TRAFD1: variants seen among roughly 807,000 people sequenced by gnomAD.
TRAFD1 encodes the protein TRAF-type zinc finger domain-containing protein 1.
In TRAFD1, 38 loss-of-function variants were observed where a neutral mutation model predicts 65.3. The ratio of observed to expected loss-of-function variants is 0.58; its 90% CI spans 0.45 to 0.76. TRAFD1 has a LOEUF of 0.76. TRAFD1 is among the 30% of genes least tolerant of loss of function. TRAFD1 has a pLI of 0.00. For missense variants in TRAFD1, 631 were observed against 712.6 expected, an observed-to-expected ratio of 0.89 and a Z score of 1.30; for synonymous variants, 223 against 257.2, an observed-to-expected ratio of 0.87 and a Z score of 1.27.
rs757141248 is a variant in TRAFD1, at chr12:112,148,153, T to A, written c.1007T>A (p.Val336Asp). 1 of 1,614,248 alleles carries A rather than the reference T, an allele frequency of 6.2e-7. No individual in the cohort carries two copies. Reference protein sequence around the residue: ...SSPRGVEEPDVIFQNFLQQAA... With the variant: ...SSPRGVEEPDDIFQNFLQQAA... ...CCCAGAGGGGTGGAGGAACCTGATG[T>A]CATCTTCCAGAACTTCTTGCAACAG... is the stretch of plus-strand genomic sequence containing the variant. The change falls in exon 8 of 12, where the codon GTC (valine) becomes GAC (aspartate). Residue 336 changes from valine (V) to aspartate (D), a missense_variant. Physicochemically the swap from Val to Asp is radical, Grantham distance 152. Coordinates refer to ENST00000412615, the MANE Select transcript of TRAFD1 (RefSeq NM_006700.3).
chr12:112,147,460 C>T (rs998000817), intron 7 of TRAFD1, among the ~76,000 whole-genome samples: 2 of 151,952 alleles, frequency 1.3e-5, no homozygotes, highest in Non-Finnish European at 2.9e-5. Flanking sequence ...TTTGGGAGTA[C>T]CATAGAAAAT....
At chr12:112,138,156 GT>G (rs1387634383) in intron 4 of TRAFD1, among the ~76,000 whole-genome samples, 1 of 152,074 alleles carries the variant, frequency 6.6e-6, no homozygotes, top group Non-Finnish European at 1.5e-5. Context: ...GTACGATATT[GT>G]TTGAGCCTGG....
Position 112,152,835 on chromosome 12 carries a change from C to T in TRAFD1, c.*44C>T, listed in dbSNP as rs2030447172. 6.2e-7 allele frequency: 1 copy of T among 1,609,784 alleles called. No homozygotes were observed. The highest frequency in any genetic ancestry group is 1.3e-5 in the African/African-American group (1 of 74,796). On this transcript the variant is annotated 3_prime_UTR_variant, in exon 12 of 12. Coordinates refer to ENST00000412615, the MANE Select transcript of TRAFD1 (RefSeq NM_006700.3). This position sits in a 1 kb window ranked among gnomAD's most constrained non-coding sequence, Gnocchi z 5.0. ...TACATCGGTTCCTGTCTTCTGTGCA[C>T]AGCAGCACTTGCCGCTGTGCAGGCC...
chr12:112,138,817 C>T (rs996233003), intron 4 of TRAFD1, among the ~76,000 whole-genome samples: 1 of 146,628 alleles, frequency 6.8e-6, no homozygotes, highest in Non-Finnish European at 1.5e-5. Flanking sequence ...GAAATCATGC[C>T]ATTGTACTCC....
At chr12:112,128,646 CACA>C (rs2079552589) in intron 1 of TRAFD1, among the ~76,000 whole-genome samples, 1 of 152,076 alleles carries the variant, frequency 6.6e-6, no homozygotes, top group Non-Finnish European at 1.5e-5. Context: ...CTGAGATGAG[CACA>C]ACATGATTTC....
intron 9 of TRAFD1, 21 bp from the exon 10 acceptor site, chr12:112,151,780 G>A: frequency 6.2e-7 from 1 of 1,600,998 alleles, no homozygotes; most frequent in Non-Finnish European, 8.5e-7. Context: ...TCCTAAAGCT[G>A]TTACCATTTT....
chr12:112,146,225 CAAAAAAAAAAAA>C (rs766339761), intron 7 of TRAFD1, among the ~76,000 whole-genome samples: 1 of 66,816 alleles, frequency 1.5e-5, no homozygotes, highest in African/African-American at 5.7e-5. Context: ...GAAATAACAG[CAAAAAAAAAAAA>C]AAAAAAAAAG....
At chr12:112,149,949 C>A in intron 9 of TRAFD1, 78 bp downstream of exon 9, 1 of 1,574,024 alleles carries the variant, frequency 6.4e-7, no homozygotes, top group Non-Finnish European at 8.6e-7. Flanking sequence ...CCATCCACTG[C>A]TCTAATGTGG....
At chr12:112,142,648 C>CAAA (rs1191750606) in intron 6 of TRAFD1, among the ~76,000 whole-genome samples, 1 of 139,430 alleles carries the variant, frequency 7.2e-6, no homozygotes, top group South Asian at 2.4e-4. Context: ...CACCTTGTCT[C>CAAA]AAAAAAAAAA....
rs1462233401 is a variant in TRAFD1 at position 112,142,178 on chromosome 12, G to T, written c.733G>T (p.Ala245Ser). 1 of 1,613,890 alleles carries T rather than the reference G, an allele frequency of 6.2e-7. No individual in the cohort carries two copies. Among genetic ancestry groups the T allele is most frequent in the African/African-American group, 1.3e-5 (1 of 74,872 alleles). ...EESANLDFML[A>S]LSLQNEGQAS... is the part of the protein sequence containing the mutation. ...GAGTGCAAACTTGGACTTCATGTTGGCCCTAAGTCTGCAAAATGAAGGCCA... is the reference window on the plus strand; with the variant it reads ...GAGTGCAAACTTGGACTTCATGTTGTCCCTAAGTCTGCAAAATGAAGGCCA... The change falls in exon 6 of 12, where the codon GCC (alanine) becomes TCC (serine). Residue 245 changes from alanine to serine, a missense_variant. Coordinates refer to ENST00000412615, the MANE Select transcript of TRAFD1 (RefSeq NM_006700.3).
intron 4 of TRAFD1, 121 bp downstream of exon 4, chr12:112,135,187 C>A (rs939070350): frequency 9.4e-6 from 11 of 1,173,680 alleles, no homozygotes; most frequent in Non-Finnish European, 1.4e-5. Context: ...CATACTGTTT[C>A]TCAAAGCCTG....
chr12:112,129,099 T>C (rs946957340), intron 1 of TRAFD1, among the ~76,000 whole-genome samples: 1 of 144,566 alleles, frequency 6.9e-6, no homozygotes, highest in Non-Finnish European at 1.5e-5. Flanking sequence ...ACTGAAGAAC[T>C]CTCCCAAATC....
Position 112,130,477 on chromosome 12 carries a change from A to G in TRAFD1, c.-12-34A>G. 1.3e-6 allele frequency: 2 copies of G among 1,566,546 alleles called. No homozygotes were observed. The highest frequency in any genetic ancestry group is 1.8e-6 in the Non-Finnish European group (2 of 1,141,142). ...ATGTCATCTTTAAAGCAGAAATGAA[A>G]GAGAAAGTTCATGTCTTCCTTTGTG... On this transcript the variant is annotated intron_variant, in intron 1 of 11. Transcript: ENST00000412615. This position sits in a 1 kb window ranked among gnomAD's most constrained non-coding sequence, Gnocchi z 4.4.
At chr12:112,126,659 C>CTT (rs113787826) in intron 1 of TRAFD1, among the ~76,000 whole-genome samples, 1 of 145,566 alleles carries the variant, frequency 6.9e-6, no homozygotes, top group African/African-American at 2.5e-5. Context: ...GAGTGAATAT[C>CTT]TTTTTTTTTT....
intron 4 of TRAFD1, among the ~76,000 whole-genome samples, chr12:112,138,476 T>G (rs148610528): frequency 0.017 from 2,521 of 149,874 alleles, 78 homozygotes; most frequent in African/African-American, 0.058. Context: ...CTTGAACCTG[T>G]GAGGCAGAGG....
intron 7 of TRAFD1, among the ~76,000 whole-genome samples, chr12:112,146,475 G>A (rs879532789): frequency 1.3e-5 from 2 of 152,148 alleles, no homozygotes; most frequent in Non-Finnish European, 2.9e-5. Context: ...TCCACTATCC[G>A]TTTTGTGATC....
intron 9 of TRAFD1, 101 bp from the exon 10 acceptor site, chr12:112,151,700 G>A: frequency 8.4e-7 from 1 of 1,189,852 alleles, no homozygotes; most frequent in Non-Finnish European, 1.2e-6. Context: ...GCCTGGCTGA[G>A]CAGTTGTCTT....
rs1343351605 is a variant in TRAFD1, at chr12:112,153,410, T to G, written c.*619T>G. The G allele has an allele frequency of 6.6e-6, 1 of 152,288 alleles. No individual in the cohort carries two copies. The highest frequency in any genetic ancestry group is 2.4e-5 in the African/African-American group (1 of 41,410). 9.4% of individuals were successfully genotyped at this position (152,288 alleles called of 1,614,324 possible). A position where few individuals can be genotyped will look rare whatever the true frequency, so the allele number is the denominator to read the frequency against. ...CCTTCTGTTCCCGGGGGAGCATGGATCTTTTGTCCTCACTGCTTTCTAATG... is the reference window on the plus strand; with the variant it reads ...CCTTCTGTTCCCGGGGGAGCATGGAGCTTTTGTCCTCACTGCTTTCTAATG... On this transcript the variant is annotated 3_prime_UTR_variant, in exon 12 of 12. Transcript: ENST00000412615.
chr12:112,147,990 A>G, intron 7 of TRAFD1, 84 bp from the exon 8 acceptor site: 2 of 1,288,834 alleles, frequency 1.6e-6, no homozygotes, highest in Admixed American at 2.3e-5. Flanking sequence ...AAATTATATG[A>G]CTTCTTCTAG....
Sources: gnomAD v4.1 joint callset for allele counts (sites outside exome capture counted in the v4.1 genomes callset) on GRCh38, gnomAD v4.1.1 for gene constraint, Gnocchi (gnomAD v3.1) non-coding constraint, MANE v1.5 for transcripts, NCBI Gene and HGNC (gene_info 2026-07-23, HGNC 2026-07-21) for gene names.